YWHAE: variants seen among roughly 807,000 people sequenced by gnomAD.
The protein encoded by YWHAE is 14-3-3 protein epsilon.
YWHAE carries 4 observed loss-of-function variants against 30.1 expected under a neutral mutation model. That is an observed-to-expected ratio of 0.13 (90% CI 0.07 to 0.30). The LOEUF is 0.30. Among genes scored for constraint, YWHAE ranks in the 10% least tolerant of loss-of-function variants. YWHAE has a pLI of 1.00. For missense variants in YWHAE, 121 were observed against 315.9 expected (o/e 0.38, Z 4.68); for synonymous variants, 118 against 111.8 (o/e 1.06, Z -0.35).
chr17:1,367,768 T>C (rs2072967127), intron 1 of YWHAE, among the ~76,000 whole-genome samples: 1 of 152,138 alleles, frequency 6.6e-6, no homozygotes, highest in Admixed American at 6.6e-5. Flanking sequence ...AAAAGGATTT[T>C]ATCATTCCAT....
intron 4 of YWHAE, among the ~76,000 whole-genome samples, chr17:1,358,498 C>CAA (rs2072798552): frequency 6.6e-6 from 1 of 151,094 alleles, no homozygotes; most frequent in South Asian, 2.1e-4. Flanking sequence ...CTCGGCCTCC[C>CAA]AAAGTGCTGG....
rs530329188 is a variant in YWHAE at position 1,392,532 on chromosome 17, A to C, written c.64+7515T>G. Reference sequence around the variant, plus strand: ...AACAACACTGGTGAATCATATGCCAACCTTTGTCCCTCCTAGAAGTTGTAT... The same window carrying C: ...AACAACACTGGTGAATCATATGCCACCCTTTGTCCCTCCTAGAAGTTGTAT... On this transcript the variant is annotated intron_variant, in intron 1 of 5. Transcript: ENST00000264335. Among the ~76,000 whole-genome samples the C allele has an allele frequency of 2.0e-5, 3 of 152,220 alleles. 1 individual carries two copies. Among genetic ancestry groups the C allele is most frequent in the Admixed American group, 2.0e-4 (3 of 15,272 alleles).
At chr17:1,356,879 G>C (rs2072753787) in intron 4 of YWHAE, among the ~76,000 whole-genome samples, 1 of 151,744 alleles carries the variant, frequency 6.6e-6, no homozygotes, top group Non-Finnish European at 1.5e-5. Flanking sequence ...CAATGTATCA[G>C]TTAATCCCCT....
intron 1 of YWHAE, among the ~76,000 whole-genome samples, chr17:1,382,286 G>C (rs985391917): frequency 1.3e-5 from 2 of 149,118 alleles, no homozygotes; most frequent in Non-Finnish European, 3.0e-5. Flanking sequence ...CTGACCTCAT[G>C]ATCTGCCCGC....
chr17:1,350,591 G>A (rs915282113), intron 5 of YWHAE, among the ~76,000 whole-genome samples: 3 of 151,116 alleles, frequency 2.0e-5, no homozygotes, highest in South Asian at 2.1e-4. Flanking sequence ...ACAGGTGCCC[G>A]CCACCACACC....
Position 1,399,939 on chromosome 17 carries a change from C to T in YWHAE, c.64+108G>A, listed in dbSNP as rs1404882963. 2.9e-6 allele frequency: 4 copies of T among 1,400,362 alleles called. No individual in the cohort carries two copies. In the African/African-American group the frequency reaches 4.2e-5, roughly 15 times the overall value. The allele number at this position is 1,400,362 out of a possible 1,614,324, so 86.7% of individuals were successfully genotyped here. The stretch of plus-strand genomic sequence containing the variant: ...TTCCTGCTTCCCGAACCCAAGCCCC[C>T]GGGCCAGGCTCGCAGACGATGCCGC... On this transcript the variant is annotated intron_variant, in intron 1 of 5. Coordinates refer to ENST00000264335, the MANE Select transcript of YWHAE (RefSeq NM_006761.5).
chr17:1,398,392 C>T lies in YWHAE; in HGVS notation c.64+1655G>A, dbSNP rs142863342. On this transcript the variant is annotated intron_variant, in intron 1 of 5. Transcript: ENST00000264335. ...AATAGCAATTTAAGAATTTACAAGA[C>T]GAAATTTAGTTCACTATATTTCCTA... 7.4e-3 allele frequency among the ~76,000 whole-genome samples: 1,053 copies of T among 141,966 alleles called. 17 individuals are homozygous for T. Among genetic ancestry groups the T allele is most frequent in the African/African-American group, 0.026 (1,017 of 39,212 alleles). The allele number at this position is 141,966 out of a possible 152,430, so 93.1% of individuals were successfully genotyped here.
At chr17:1,365,516 T>C (rs562201147) in intron 1 of YWHAE, among the ~76,000 whole-genome samples, 28 of 152,320 alleles carry the variant, frequency 1.8e-4, no homozygotes, top group African/African-American at 3.8e-4. Flanking sequence ...GAGTATATGG[T>C]TGGCCACCAA....
chr17:1,370,000 T>C (rs1280371518), intron 1 of YWHAE, among the ~76,000 whole-genome samples: 1 of 152,148 alleles, frequency 6.6e-6, no homozygotes, highest in Non-Finnish European at 1.5e-5. Flanking sequence ...TGATGGCTGC[T>C]GAAGGCTGGA....
chr17:1,357,667 T>A (rs1180396253), intron 4 of YWHAE, among the ~76,000 whole-genome samples: 2 of 152,016 alleles, frequency 1.3e-5, no homozygotes, highest in Non-Finnish European at 2.9e-5. Context: ...GGCTCACGCC[T>A]GTAATCTCGG....
chr17:1,382,642 G>T (rs566142148), intron 1 of YWHAE, among the ~76,000 whole-genome samples: 30 of 152,198 alleles, frequency 2.0e-4, no homozygotes, highest in African/African-American at 7.2e-4. Context: ...TTACAGGCGT[G>T]AGCCACCACG....
chr17:1,344,513 G>T lies in YWHAE; in HGVS notation c.*934C>A, dbSNP rs572785752. 1.0e-5 allele frequency: 2 copies of T among 198,930 alleles called. No individual in the cohort carries two copies. The highest frequency in any genetic ancestry group is 1.6e-4 in the East Asian group (2 of 12,856). The allele number at this position is 198,930 out of a possible 1,614,324, so 12.3% of individuals were successfully genotyped here. A position where few individuals can be genotyped will look rare whatever the true frequency, so the allele number is the denominator to read the frequency against. The stretch of plus-strand genomic sequence containing the variant: ...TGTTTGGACTAGAGATTTTATTTTA[G>T]AAGTATAAAGGATGGAGGCGCGATA... On this transcript the variant is annotated 3_prime_UTR_variant, in exon 6 of 6. Transcript: ENST00000264335.
rs926831392 is a variant in YWHAE at position 1,345,345 on chromosome 17, A to G, written c.*102T>C. On this transcript the variant is annotated 3_prime_UTR_variant, in exon 6 of 6. Transcript: ENST00000264335. Reference sequence around the variant, plus strand: ...GAACCTAAATTCTGAGACCAAATGTAAAAGTCAGATTTGGTGGTTCTCAGT... The same window carrying G: ...GAACCTAAATTCTGAGACCAAATGTGAAAGTCAGATTTGGTGGTTCTCAGT... The G allele has an allele frequency of 7.4e-6, 9 of 1,218,064 alleles. No individual in the cohort carries two copies. In the South Asian group the frequency reaches 9.1e-5, roughly 12 times the overall value. The allele number at this position is 1,218,064 out of a possible 1,614,324, so 75.5% of individuals were successfully genotyped here.
chr17:1,347,574 T>C (rs950774935), intron 5 of YWHAE, among the ~76,000 whole-genome samples: 1 of 151,692 alleles, frequency 6.6e-6, no homozygotes, highest in Non-Finnish European at 1.5e-5. Flanking sequence ...CAAAAAAAAA[T>C]TGCTTAGGGA....
chr17:1,379,856 T>A (rs528629485), intron 1 of YWHAE, among the ~76,000 whole-genome samples: 1 of 152,332 alleles, frequency 6.6e-6, no homozygotes, highest in East Asian at 1.9e-4. Flanking sequence ...GGTTGACATG[T>A]AAATTATACT....
intron 5 of YWHAE, chr17:1,347,902 CATG>C: frequency 1.1e-6 from 1 of 913,454 alleles, no homozygotes; most frequent in Non-Finnish European, 1.3e-6. Flanking sequence ...CATACGCAGG[CATG>C]ATTAGTGAAG....
At chr17:1,381,013 G>A (rs372720308) in intron 1 of YWHAE, among the ~76,000 whole-genome samples, 1 of 152,084 alleles carries the variant, frequency 6.6e-6, no homozygotes. Context: ...TTCCATAGTA[G>A]GTATTATAAG....
chr17:1,380,958 T>C (rs2073197081), intron 1 of YWHAE, among the ~76,000 whole-genome samples: 1 of 152,206 alleles, frequency 6.6e-6, no homozygotes, highest in East Asian at 1.9e-4. Flanking sequence ...CTAGAAATCA[T>C]CATTCTGGTT....
At chr17:1,356,985 AGGGGCCG>A (rs2072756731) in intron 4 of YWHAE, among the ~76,000 whole-genome samples, 1 of 151,726 alleles carries the variant, frequency 6.6e-6, no homozygotes, top group Non-Finnish European at 1.5e-5. Flanking sequence ...AAAAACCAAA[AGGGGCCG>A]GGCGCGGTGG....
Sources: gnomAD v4.1 joint callset for allele counts (sites outside exome capture counted in the v4.1 genomes callset) on GRCh38, gnomAD v4.1.1 for gene constraint, MANE v1.5 for transcripts, NCBI Gene and HGNC (gene_info 2026-07-23, HGNC 2026-07-21) for gene names.